Variants in CPNE3 observed in about 807,000 individuals in gnomAD.
CPNE3 encodes the protein copine 3, also known as copine-3.
CPNE3 carries 68 observed loss-of-function variants against 63.9 expected under a neutral mutation model. That is an observed-to-expected ratio of 1.06 (90% CI 0.87 to 1.30). The LOEUF (loss-of-function observed/expected upper bound fraction) is 1.30, where lower values mean the gene tolerates loss of function less well. Ranked by LOEUF, CPNE3 falls within the 50% of genes most tolerant of loss-of-function variation. CPNE3 has a pLI of 0.00. For missense variants in CPNE3, 665 were observed against 578.1 expected (o/e 1.15, Z -1.54); for synonymous variants, 219 against 197.5 (o/e 1.11, Z -0.91).
At chr8:86,541,705 T>TAAA (rs536813276) in intron 8 of CPNE3, among the ~76,000 whole-genome samples, 8 of 122,174 alleles carry the variant, frequency 6.5e-5, no homozygotes, top group Admixed American at 1.7e-4. Flanking sequence ...GACCGTGTCT[T>TAAA]AAAAAAAAAA....
At position 86,556,107 on chromosome 8, in the gene CPNE3, T is replaced by C. The variant is rs1821318770; in HGVS notation, c.1260T>C (p.Tyr420=). ...ATGTTTTCTTTTTCTGGCAGCAATA[T>C]TTTGTGCTTTTGATTATTACTGATG... ...AATQQQTASQ[Y]FVLLIITDGV... is the part of the protein sequence containing the mutation. Residue 420 remains tyrosine, a synonymous_variant, in exon 16 of 17, where the codon TAT becomes TAC. Transcript: ENST00000517490. 1.1e-6 allele frequency: 1 copy of C among 872,880 alleles called. No homozygotes were observed. 54.1% of individuals were successfully genotyped at this position (872,880 alleles called of 1,614,324 possible).
At chr8:86,529,944 A>C (rs1055360598) in intron 4 of CPNE3, among the ~76,000 whole-genome samples, 4 of 152,140 alleles carry the variant, frequency 2.6e-5, no homozygotes, top group Non-Finnish European at 4.4e-5. Flanking sequence ...CAGTTTTCTG[A>C]AACTTTGATA....
chr8:86,516,867 A>C (rs1820323960), intron 2 of CPNE3, among the ~76,000 whole-genome samples: 1 of 152,236 alleles, frequency 6.6e-6, no homozygotes, highest in African/African-American at 2.4e-5. Flanking sequence ...AAACTATAAA[A>C]GTTAATGTTA....
At chr8:86,540,569 T>A (rs1240781247) in intron 8 of CPNE3, among the ~76,000 whole-genome samples, 1 of 151,220 alleles carries the variant, frequency 6.6e-6, no homozygotes, top group African/African-American at 2.4e-5. Context: ...ACAGTGTCGT[T>A]TCTATTTTAT....
chr8:86,528,400 A>C lies in CPNE3; in HGVS notation c.-10-136A>C, dbSNP rs1820586361. 7 of 799,160 alleles carry C rather than the reference A, an allele frequency of 8.8e-6. No homozygotes were observed. The Admixed American group carries it at 2.0e-4, about 22-fold the overall frequency. The allele number at this position is 799,160 out of a possible 1,614,324, so 49.5% of individuals were successfully genotyped here. A position where few individuals can be genotyped will look rare whatever the true frequency, so the allele number is the denominator to read the frequency against. On this transcript the variant is annotated intron_variant, in intron 2 of 16. Transcript: ENST00000517490. ...CACATCCTGAGGAGGTGCATATAAC[A>C]GTCTGATTCTGGCAAGTTCACTCTA... is the stretch of plus-strand genomic sequence containing the variant.
chr8:86,558,570 TG>T lies in CPNE3; in HGVS notation c.*166del. ...TTAAAGCATTCTTTCTAGGTTATTT[TG>T]GGGGGACAGTGCCAAGTCCATCTTT... On this transcript the variant is annotated 3_prime_UTR_variant, in exon 17 of 17. Coordinates refer to ENST00000517490, the MANE Select transcript of CPNE3 (RefSeq NM_003909.5). 3.3e-6 allele frequency: 2 copies of T among 608,094 alleles called. No individual in the cohort carries two copies. The highest frequency in any genetic ancestry group is 2.3e-5 in the South Asian group (1 of 44,332). The allele number at this position is 608,094 out of a possible 1,614,324, so 37.7% of individuals were successfully genotyped here.
intron 5 of CPNE3, among the ~76,000 whole-genome samples, chr8:86,531,607 G>A (rs562568055): frequency 6.6e-6 from 1 of 152,158 alleles, no homozygotes; most frequent in South Asian, 2.1e-4. Flanking sequence ...ATTTTCCCTA[G>A]TGGATTTTAT....
intron 2 of CPNE3, among the ~76,000 whole-genome samples, chr8:86,526,227 C>CAAAAAAAAA (rs879779751): frequency 7.5e-6 from 1 of 133,670 alleles, no homozygotes. Context: ...GACTCCGTCT[C>CAAAAAAAAA]AAAAAAAAAA....
At position 86,546,248 on chromosome 8, in the gene CPNE3, C is replaced by A. The variant is rs955754092; in HGVS notation, c.733-347C>A. The stretch of plus-strand genomic sequence containing the variant: ...GTAATATTTTATTTCCTTTATTATA[C>A]CATGTTATATCATAGGGCCCAACTC... On this transcript the variant is annotated intron_variant, in intron 9 of 16. Transcript: ENST00000517490. Among the ~76,000 whole-genome samples, 3 of 150,994 alleles carry A rather than the reference C, an allele frequency of 2.0e-5. No individual in the cohort carries two copies. In the East Asian group the frequency reaches 5.9e-4, roughly 29 times the overall value.
intron 15 of CPNE3, 50 bp downstream of exon 15, chr8:86,555,034 T>G: frequency 6.2e-7 from 1 of 1,606,776 alleles, no homozygotes; most frequent in East Asian, 2.2e-5. Flanking sequence ...TGGTAGCAGC[T>G]CCTGGTGCCA....
intron 6 of CPNE3, among the ~76,000 whole-genome samples, chr8:86,534,012 GCT>G (rs1820745286): frequency 6.6e-6 from 1 of 151,968 alleles, no homozygotes; most frequent in South Asian, 2.1e-4. Flanking sequence ...TGTAGTCCCA[GCT>G]ACTCAGGAGA....
In CPNE3 at chr8:86,547,772, TA is replaced by T; in HGVS notation, c.879+4del. 1.6e-6 allele frequency: 2 copies of T among 1,266,152 alleles called. No individual in the cohort carries two copies. The highest frequency in any genetic ancestry group is 2.3e-6 in the Non-Finnish European group (2 of 867,074). The allele number at this position is 1,266,152 out of a possible 1,614,324, so 78.4% of individuals were successfully genotyped here. A position where few individuals can be genotyped will look rare whatever the true frequency, so the allele number is the denominator to read the frequency against. ...GGAGGATGTCAGCTGAATTTTACTG[TA>T]AGTAACACACTGAATTTTTCAGCAT... is the stretch of plus-strand genomic sequence containing the variant. On this transcript the variant is annotated splice_donor_region_variant and intron_variant, in intron 11 of 16. Coordinates refer to ENST00000517490, the MANE Select transcript of CPNE3 (RefSeq NM_003909.5).
At chr8:86,524,018 C>T (rs1453167212) in intron 2 of CPNE3, among the ~76,000 whole-genome samples, 2 of 152,128 alleles carry the variant, frequency 1.3e-5, no homozygotes, top group African/African-American at 4.8e-5. Context: ...AGTGATAAAA[C>T]CATAATGTGA....
intron 7 of CPNE3, among the ~76,000 whole-genome samples, chr8:86,538,318 T>G (rs573168382): frequency 6.6e-6 from 1 of 152,216 alleles, no homozygotes; most frequent in South Asian, 2.1e-4. Context: ...GAGGTTGCAG[T>G]GAGCTGAGAT....
At chr8:86,528,428 A>G in intron 2 of CPNE3, 108 bp from the exon 3 acceptor site, 1 of 1,219,166 alleles carries the variant, frequency 8.2e-7, no homozygotes, top group Admixed American at 2.2e-5. Context: ...TCACTCTATA[A>G]GCCTATTGTG....
intron 6 of CPNE3, among the ~76,000 whole-genome samples, chr8:86,536,753 C>G (rs1374173765): frequency 1.3e-5 from 2 of 152,094 alleles, no homozygotes; most frequent in African/African-American, 2.4e-5. Context: ...AATGAAGATA[C>G]ATGAAAATGA....
intron 16 of CPNE3, among the ~76,000 whole-genome samples, chr8:86,557,419 T>C (rs1444166262): frequency 6.6e-6 from 1 of 152,164 alleles, no homozygotes; most frequent in Non-Finnish European, 1.5e-5. Context: ...TACAGCCGTG[T>C]GCCACCGCAC....
In CPNE3 at chr8:86,548,339, GT is replaced by G; in HGVS notation, c.919del (p.Ser307LeufsTer17). On this transcript the variant is annotated frameshift_variant, in exon 12 of 17. Transcript: ENST00000517490. LOFTEE classifies it high-confidence loss of function. Reference sequence around the variant, plus strand: ...TCACTGGCTCCAATGGTGACCCAAGGTCTCCAGACTCCCTTCATTACATCAG... The same window carrying G: ...TCACTGGCTCCAATGGTGACCCAAGGCTCCAGACTCCCTTCATTACATCAG... Reference protein sequence around the residue: ...DFTGSNGDPRSPDSLHYISPN... With the variant: ...DFTGSNGDPRXPDSLHYISPN... 1.9e-6 allele frequency: 3 copies of G among 1,614,108 alleles called. No homozygotes were observed. The highest frequency in any genetic ancestry group is 2.5e-6 in the Non-Finnish European group (3 of 1,180,002).
Position 86,528,913 on chromosome 8 carries a change from A to G in CPNE3, c.133-32A>G. ...AAATCCAAGTGCACCTTTGATCTGA[A>G]GAAACTTTTTTGTTTTTGCGGATGG... On this transcript the variant is annotated intron_variant, in intron 3 of 16. Coordinates refer to ENST00000517490, the MANE Select transcript of CPNE3 (RefSeq NM_003909.5). 1.9e-6 allele frequency: 3 copies of G among 1,578,734 alleles called. 1 individual carries two copies. The highest frequency in any genetic ancestry group is 2.3e-5 in the South Asian group (2 of 87,512).
Sources: allele counts gnomAD v4.1 joint callset (sites outside exome capture counted in the v4.1 genomes callset), GRCh38; gene constraint gnomAD v4.1.1; transcripts MANE v1.5; gene names NCBI Gene and HGNC (gene_info 2026-07-23, HGNC 2026-07-21).